The following CAPN14 variants were observed in gnomAD, a reference collection of about 807,000 sequenced individuals.
CAPN14 encodes calpain-14.
CAPN14 carries 94 observed loss-of-function variants against 101.3 expected under a neutral mutation model. That is an observed-to-expected ratio of 0.93 (90% CI 0.79 to 1.10). CAPN14 has a LOEUF of 1.10. Ranked by LOEUF, CAPN14 falls within the 50% of genes least tolerant of loss-of-function variation. The pLI, the probability that CAPN14 is intolerant of heterozygous loss-of-function variation, is 0.00. For missense variants in CAPN14, 837 were observed against 828.4 expected, an observed-to-expected ratio of 1.01 and a Z score of -0.13; for synonymous variants, 338 against 317.9, an observed-to-expected ratio of 1.06 and a Z score of -0.67.
intron 8 of CAPN14, among the ~76,000 whole-genome samples, chr2:31,195,251 G>C (rs1037359205): frequency 2.0e-5 from 3 of 152,190 alleles, no homozygotes; most frequent in Non-Finnish European, 4.4e-5. Flanking sequence ...TTCTGAAAGC[G>C]AAACTCCCTA....
At chr2:31,189,731 A>C (rs1467502921) in intron 12 of CAPN14, 1 of 580,594 alleles carries the variant, frequency 1.7e-6, no homozygotes, top group African/African-American at 1.8e-5. Context: ...CCTTAAAAAC[A>C]ACACCAGCAC....
chr2:31,232,326 A>G (rs180958804), intron 1 of CAPN14, among the ~76,000 whole-genome samples: 2 of 152,254 alleles, frequency 1.3e-5, no homozygotes, highest in Admixed American at 1.3e-4. Flanking sequence ...CCAAGATCTG[A>G]CAATTCTATT....
chr2:31,197,330 G>T lies in CAPN14; in HGVS notation c.794C>A (p.Thr265Asn). ...AYTLTGIRKV[T>N]CKHRPEYLVK... ...GAGATATTCAGGTCTATGTTTGCAG[G>T]TCACCTGCATAAAATGAGAGGCAGT... Residue 265 changes from threonine (T) to asparagine (N), a missense_variant, in exon 8 of 22, where the codon ACC (threonine) becomes AAC (asparagine). Coordinates refer to ENST00000403897, the MANE Select transcript of CAPN14 (RefSeq NM_001145122.2). The T allele has an allele frequency of 6.5e-7, 1 of 1,549,352 alleles. No homozygotes were observed. The highest frequency in any genetic ancestry group is 8.7e-7 in the Non-Finnish European group (1 of 1,144,702).
At position 31,189,279 on chromosome 2, in the gene CAPN14, A is replaced by C; in HGVS notation, c.1487T>G (p.Ile496Ser). The stretch of plus-strand genomic sequence containing the variant: ...AGAGACCTTGTGTCCTTACTAAAAG[A>C]TGTGCTTCCTGGAGAAGACCCTGAG... Reference protein sequence around the residue: ...FVLRVFSRKHIFYEIGSNSGV... With the variant: ...FVLRVFSRKHSFYEIGSNSGV... The change falls in exon 13 of 22, where the codon ATC (isoleucine) becomes AGC (serine). Residue 496 changes from isoleucine (I) to serine (S), a missense_variant. Transcript: ENST00000403897. The C allele has an allele frequency of 6.4e-7, 1 of 1,551,026 alleles. No homozygotes were observed. Among genetic ancestry groups the C allele is most frequent in the Non-Finnish European group, 8.7e-7 (1 of 1,146,974 alleles).
intron 21 of CAPN14, among the ~76,000 whole-genome samples, chr2:31,176,185 CAG>C (rs1448907952): frequency 6.6e-6 from 1 of 152,166 alleles, no homozygotes; most frequent in Non-Finnish European, 1.5e-5. Context: ...CAAACCTAGG[CAG>C]AGTTTCCTCA....
intron 11 of CAPN14, 104 bp downstream of exon 11, chr2:31,191,831 G>A: frequency 6.8e-6 from 8 of 1,177,160 alleles, no homozygotes; most frequent in Non-Finnish European, 9.4e-6. Context: ...CCAGGTCTGT[G>A]AACAGAGACA....
At chr2:31,206,020 T>TA (rs1682059284) in intron 1 of CAPN14, among the ~76,000 whole-genome samples, 1 of 139,524 alleles carries the variant, frequency 7.2e-6, no homozygotes, top group South Asian at 2.4e-4. Context: ...ACATTATCTT[T>TA]ATTTTTTTTA....
At chr2:31,186,078 T>C (rs970624617) in intron 16 of CAPN14, among the ~76,000 whole-genome samples, 1 of 152,182 alleles carries the variant, frequency 6.6e-6, no homozygotes, top group Non-Finnish European at 1.5e-5. Flanking sequence ...TACTTAATAT[T>C]CATATCCCAG....
Position 31,194,483 on chromosome 2 carries a change from A to T in CAPN14, c.876T>A (p.Ser292Arg). 6.5e-7 allele frequency: 1 copy of T among 1,550,024 alleles called. No homozygotes were observed. ...KVEWKGDWSDSSSKWELLSPK... is the reference protein window; with the variant it reads ...KVEWKGDWSDRSSKWELLSPK... ...GGCTCAGCAGCTCCCATTTACTTGA[A>T]CTGAAAATAGAAAAGGGAATGAAAA... Residue 292 changes from serine (S) to arginine (R), a missense_variant and splice_region_variant, in exon 9 of 22, where the codon AGT (serine) becomes AGA (arginine). Transcript: ENST00000403897.
At position 31,193,158 on chromosome 2, in the gene CAPN14, C is replaced by T. The variant is rs903364444; in HGVS notation, c.1087G>A (p.Ala363Thr). Residue 363 changes from alanine (A) to threonine (T), a missense_variant, in exon 10 of 22, where the codon GCT becomes ACT. Ala to Thr is a moderately conservative substitution (Grantham distance 58). Coordinates refer to ENST00000403897, the MANE Select transcript of CAPN14 (RefSeq NM_001145122.2). ...TGCAGCAACTGCCTCTGGCCACCAG[C>T]TGTGCTCCGCTTCTCCCATCTCCCC... The part of the protein sequence containing the change: ...REGRWEKRST[A>T]GGQRQLLQDT... 1.9e-6 allele frequency: 3 copies of T among 1,550,958 alleles called. No individual in the cohort carries two copies. In the African/African-American group the frequency reaches 4.1e-5, roughly 21 times the overall value.
intron 1 of CAPN14, among the ~76,000 whole-genome samples, chr2:31,211,827 T>A (rs1446216337): frequency 6.6e-6 from 1 of 152,072 alleles, no homozygotes; most frequent in Non-Finnish European, 1.5e-5. Flanking sequence ...ATTACTTTTA[T>A]CATGAGGAAA....
At chr2:31,180,371 T>C (rs1018640896) in intron 17 of CAPN14, among the ~76,000 whole-genome samples, 8 of 152,282 alleles carry the variant, frequency 5.3e-5, no homozygotes, top group South Asian at 4.2e-4. Flanking sequence ...TGCCTCTCAA[T>C]AGTATGGATG....
Position 31,197,278 on chromosome 2 carries a change from C to G in CAPN14, c.846G>C (p.Lys282Asn), listed in dbSNP as rs1488125914. The change falls in exon 8 of 22, where the codon AAG (lysine) becomes AAC (asparagine). Residue 282 changes from lysine (K) to asparagine (N), a missense_variant. By Grantham distance (94) the Lys-to-Asn change is moderately conservative (BLOSUM62 0). Transcript: ENST00000403897. ...YLVKLRNPWG[K>N]VEWKGDWSDS... ...CACTCCAGTCTCCTTTCCATTCCAC[C>G]TTTCCCCAGGGGTTCCGTAGCTTGA... 2 of 1,551,204 alleles carry G rather than the reference C, an allele frequency of 1.3e-6. No homozygotes were observed. Among genetic ancestry groups the G allele is most frequent in the Non-Finnish European group, 1.7e-6 (2 of 1,146,286 alleles).
At chr2:31,225,029 T>A (rs988367143) in intron 2 of CAPN14, among the ~76,000 whole-genome samples, 1 of 152,010 alleles carries the variant, frequency 6.6e-6, no homozygotes. Flanking sequence ...AGAAGGTAAT[T>A]GGCGAAACAT....
intron 2 of CAPN14, among the ~76,000 whole-genome samples, chr2:31,226,247 A>G (rs1683017258): frequency 6.6e-6 from 1 of 152,190 alleles, no homozygotes; most frequent in Admixed American, 6.5e-5. Context: ...TGTATTTTTA[A>G]ATATCCCACG....
rs1683150172 is a variant in CAPN14 at position 31,230,270 on chromosome 2, A to G, written c.-177+3521T>C. Among the ~76,000 whole-genome samples, 1 of 152,220 alleles carries G rather than the reference A, an allele frequency of 6.6e-6. No individual in the cohort carries two copies. The highest frequency in any genetic ancestry group is 6.5e-5 in the Admixed American group (1 of 15,286). ...TCCATTTACTCGGTGAAGGACATTT[A>G]GTTGTTTATAAATTTTTGCTGCTAC... On this transcript the variant is annotated intron_variant and NMD_transcript_variant, in intron 1 of 21. Coordinates refer to the CAPN14 transcript ENST00000398824. The surrounding 1 kb of genome is among the most constrained non-coding windows in gnomAD (Gnocchi z 4.3).
At chr2:31,205,881 G>GCA (rs1682048029) in intron 1 of CAPN14, among the ~76,000 whole-genome samples, 1 of 152,008 alleles carries the variant, frequency 6.6e-6, no homozygotes, top group Non-Finnish European at 1.5e-5. Flanking sequence ...GCCTGCCAAG[G>GCA]TAGTGGGGAG....
chr2:31,183,839 TTCCC>T (rs1295250631), intron 16 of CAPN14, among the ~76,000 whole-genome samples: 9 of 144,306 alleles, frequency 6.2e-5, no homozygotes, highest in South Asian at 2.5e-4. Context: ...TCTCTCCTTC[TTCCC>T]TCCCTCCCTC....
At chr2:31,191,250 C>A in intron 12 of CAPN14, 149 bp downstream of exon 12, 1 of 765,428 alleles carries the variant, frequency 1.3e-6, no homozygotes, top group South Asian at 1.9e-5. Context: ...CATATACACA[C>A]AGGCAGCGGG....
Sources: allele counts gnomAD v4.1 joint callset (sites outside exome capture counted in the v4.1 genomes callset), GRCh38; gene constraint gnomAD v4.1.1; non-coding constraint Gnocchi (gnomAD v3.1); transcripts MANE v1.5; gene names NCBI Gene and HGNC (gene_info 2026-07-23, HGNC 2026-07-21).